Variants in RALGAPA2 observed in about 807,000 individuals in gnomAD.
RALGAPA2 encodes the protein Ral GTPase activating protein catalytic subunit alpha 2, also known as ral GTPase-activating protein subunit alpha-2.
A neutral mutation model predicts 230.4 loss-of-function variants in RALGAPA2; 139 were observed. The observed-to-expected ratio is 0.60, with a 90% confidence interval of 0.53 to 0.69. The LOEUF (loss-of-function observed/expected upper bound fraction) is 0.69, where lower values mean the gene tolerates loss of function less well. RALGAPA2 is among the 30% of genes least tolerant of loss of function. The pLI is 0.00. For missense variants in RALGAPA2, 2,163 were observed against 2,276.0 expected, an observed-to-expected ratio of 0.95 and a Z score of 1.01; for synonymous variants, 847 against 837.8, an observed-to-expected ratio of 1.01 and a Z score of -0.19.
chr20:20,544,857 C>G lies in RALGAPA2; in HGVS notation c.3285+1847G>C, dbSNP rs1423799956. On this transcript the variant is annotated intron_variant, in intron 24 of 39. Coordinates refer to ENST00000202677, the MANE Select transcript of RALGAPA2 (RefSeq NM_020343.4). ...GACACAGCGAGGGGAATATCACATACTGGGGCCTGTCAGGGGGTGGGGGGC... is the reference window on the plus strand; with the variant it reads ...GACACAGCGAGGGGAATATCACATAGTGGGGCCTGTCAGGGGGTGGGGGGC... 2.7e-5 allele frequency among the ~76,000 whole-genome samples: 4 copies of G among 149,806 alleles called. No homozygotes were observed. In the East Asian group the frequency reaches 8.0e-4, roughly 30 times the overall value.
intron 23 of RALGAPA2, among the ~76,000 whole-genome samples, chr20:20,566,273 A>C (rs1036264404): frequency 6.6e-6 from 1 of 152,322 alleles, no homozygotes; most frequent in Admixed American, 6.5e-5. Flanking sequence ...CTTTCCTTGT[A>C]CAGAGGCTCA....
chr20:20,599,763 A>C (rs2065575813), intron 16 of RALGAPA2, among the ~76,000 whole-genome samples: 1 of 152,182 alleles, frequency 6.6e-6, no homozygotes, highest in African/African-American at 2.4e-5. Context: ...ACCTGAGATC[A>C]GGAGTTCAAG....
intron 24 of RALGAPA2, among the ~76,000 whole-genome samples, chr20:20,538,004 T>A (rs1325521172): frequency 6.6e-6 from 1 of 152,218 alleles, no homozygotes; most frequent in African/African-American, 2.4e-5. Context: ...AGGTCCAGAC[T>A]GAGCCTACAG....
At chr20:20,524,668 G>GTAAATAAA in intron 29 of RALGAPA2, 125 bp from the exon 30 acceptor site, 1 of 1,333,802 alleles carries the variant, frequency 7.5e-7, no homozygotes, top group Non-Finnish European at 1.0e-6. Context: ...AAGTAGGTAA[G>GTAAATAAA]TAAATAAATA....
intron 23 of RALGAPA2, among the ~76,000 whole-genome samples, chr20:20,556,503 C>T (rs963952966): frequency 3.9e-5 from 6 of 152,168 alleles, no homozygotes; most frequent in Admixed American, 2.0e-4. Context: ...GGCCTGACTA[C>T]GTAATGACTG....
chr20:20,466,479 CTCTTT>C (rs1159607591), intron 37 of RALGAPA2, among the ~76,000 whole-genome samples: 1 of 152,198 alleles, frequency 6.6e-6, no homozygotes, highest in Non-Finnish European at 1.5e-5. Context: ...GACTGCCATC[CTCTTT>C]TAATACCTCT....
intron 38 of RALGAPA2, among the ~76,000 whole-genome samples, chr20:20,405,608 A>C (rs541177938): frequency 1.1e-3 from 169 of 152,244 alleles, no homozygotes; most frequent in Non-Finnish European, 2.1e-3. Context: ...AAGAAGCACG[A>C]AGCCTAAAGT....
intron 24 of RALGAPA2, among the ~76,000 whole-genome samples, chr20:20,540,348 T>A (rs373820813): frequency 3.9e-5 from 6 of 152,344 alleles, no homozygotes; most frequent in African/African-American, 1.2e-4. Context: ...TAAAAATCGA[T>A]TCATGGCTGT....
chr20:20,471,349 AG>A (rs1429001266), intron 37 of RALGAPA2: 1 of 152,126 alleles, frequency 6.6e-6, no homozygotes, highest in East Asian at 1.9e-4. Context: ...TAAGTAGAGA[AG>A]GTGACATGAC....
intron 23 of RALGAPA2, among the ~76,000 whole-genome samples, chr20:20,570,086 T>C (rs2064576690): frequency 6.6e-6 from 1 of 152,116 alleles, no homozygotes; most frequent in Admixed American, 6.6e-5. Flanking sequence ...GAGCAGGGAG[T>C]ACAAACAATT....
intron 36 of RALGAPA2, among the ~76,000 whole-genome samples, chr20:20,487,999 G>C (rs908833073): frequency 4.6e-5 from 7 of 151,902 alleles, no homozygotes; most frequent in African/African-American, 1.7e-4. Flanking sequence ...AGGTATATGA[G>C]GGGGACTGGT....
At chr20:20,502,053 A>G (rs1362589038) in intron 35 of RALGAPA2, among the ~76,000 whole-genome samples, 1 of 152,200 alleles carries the variant, frequency 6.6e-6, no homozygotes, top group African/African-American at 2.4e-5. Flanking sequence ...GATAATGATA[A>G]TAATAATAGA....
intron 37 of RALGAPA2, among the ~76,000 whole-genome samples, chr20:20,442,197 G>A (rs567750968): frequency 6.6e-6 from 1 of 152,310 alleles, no homozygotes; most frequent in Non-Finnish European, 1.5e-5. Flanking sequence ...CTTCTTTCTT[G>A]CAAAATGGGA....
At chr20:20,482,321 G>T (rs1170070406) in intron 36 of RALGAPA2, among the ~76,000 whole-genome samples, 1 of 152,164 alleles carries the variant, frequency 6.6e-6, no homozygotes, top group Non-Finnish European at 1.5e-5. Flanking sequence ...ATGTATTCAA[G>T]AAGGCAAAAG....
intron 23 of RALGAPA2, among the ~76,000 whole-genome samples, chr20:20,554,487 T>G (rs1312354300): frequency 1.3e-5 from 2 of 152,242 alleles, no homozygotes; most frequent in African/African-American, 4.8e-5. Context: ...TGAATAATGA[T>G]GCTGAGTATC....
intron 26 of RALGAPA2, among the ~76,000 whole-genome samples, chr20:20,534,843 G>A (rs1169233451): frequency 6.6e-6 from 1 of 152,154 alleles, no homozygotes. Context: ...CAACTTTCCT[G>A]AACAAAGTAT....
intron 31 of RALGAPA2, among the ~76,000 whole-genome samples, chr20:20,518,435 T>C (rs531999727): frequency 6.6e-6 from 1 of 152,340 alleles, no homozygotes; most frequent in Non-Finnish European, 1.5e-5. Context: ...TTGAGCTCTT[T>C]CTTGCTTAAC....
At chr20:20,510,616 G>A (rs2062676473) in intron 33 of RALGAPA2, among the ~76,000 whole-genome samples, 1 of 151,942 alleles carries the variant, frequency 6.6e-6, no homozygotes, top group African/African-American at 2.4e-5. Flanking sequence ...TATGTACCAA[G>A]TCCTATACTT....
intron 1 of RALGAPA2, among the ~76,000 whole-genome samples, chr20:20,685,451 C>T (rs932202586): frequency 1.3e-5 from 2 of 152,100 alleles, no homozygotes; most frequent in African/African-American, 2.4e-5. Flanking sequence ...TTTTATTTGA[C>T]CCTCACCATA....
Sources: allele counts gnomAD v4.1 joint callset (sites outside exome capture counted in the v4.1 genomes callset), GRCh38; gene constraint gnomAD v4.1.1; transcripts MANE v1.5; gene names NCBI Gene and HGNC (gene_info 2026-07-23, HGNC 2026-07-21).